The following STARD9 variants were observed in gnomAD, a reference collection of about 807,000 sequenced individuals.
STARD9 encodes the protein stAR-related lipid transfer protein 9.
In STARD9, 346 loss-of-function variants were observed where a neutral mutation model predicts 399.8. The observed-to-expected ratio is 0.87, with a 90% confidence interval of 0.79 to 0.95. The LOEUF (loss-of-function observed/expected upper bound fraction) is 0.95. STARD9 is among the 40% of genes least tolerant of loss of function. The probability of loss-of-function intolerance (pLI) is 0.00; values close to 1 mark genes in which losing one functional copy is unlikely to be tolerated. For synonymous variants in STARD9, 2,203 were observed against 2,143.5 expected (o/e 1.03, Z -0.77); for missense variants, 5,832 against 5,667.5 (o/e 1.03, Z -0.93).
In STARD9 at chr15:42,694,015, G is replaced by A; in HGVS notation, c.12437G>A (p.Cys4146Tyr). The A allele has an allele frequency of 3.3e-6, 5 of 1,527,048 alleles. No individual in the cohort carries two copies. Among genetic ancestry groups the A allele is most frequent in the African/African-American group, 1.4e-5 (1 of 72,916 alleles). 94.6% of individuals were successfully genotyped at this position (1,527,048 alleles called of 1,614,324 possible). ...LPVHNKFSNW[C>Y]GVQKGSPGGL... ...GTGCATAACAAATTTAGTAACTGGT[G>A]TGGGGTTCAGAAGGGCTCACCTGGG... The change falls in exon 23 of 33, where the codon TGT becomes TAT. Residue 4146 changes from cysteine to tyrosine, a missense_variant. By Grantham distance (194) the Cys-to-Tyr change is radical. Around this residue, in one of 2 missense-constraint regions of STARD9, gnomAD observed 5,828 missense variants for 5,651.1 expected, o/e 1.03. Coordinates refer to ENST00000290607, the MANE Select transcript of STARD9 (RefSeq NM_020759.3).
At chr15:42,626,393 T>TTCCTCC (rs1192409563) in intron 3 of STARD9, among the ~76,000 whole-genome samples, 2 of 126,808 alleles carry the variant, frequency 1.6e-5, no homozygotes, top group Admixed American at 7.3e-5. Flanking sequence ...CCTCTTCCTC[T>TTCCTCC]TCCTCCTCCT....
At chr15:42,706,404 T>G (rs888746933) in intron 26 of STARD9, among the ~76,000 whole-genome samples, 1 of 152,206 alleles carries the variant, frequency 6.6e-6, no homozygotes. Context: ...GTTGATTCTC[T>G]AGACCTGCAC....
At chr15:42,591,040 TC>T (rs1446586011) in intron 3 of STARD9, among the ~76,000 whole-genome samples, 2 of 152,198 alleles carry the variant, frequency 1.3e-5, no homozygotes, top group Non-Finnish European at 2.9e-5. Context: ...TTGTTAGTCA[TC>T]TAGGCCAGAG....
intron 3 of STARD9, among the ~76,000 whole-genome samples, chr15:42,621,334 C>T (rs1263104919): frequency 6.6e-6 from 1 of 152,042 alleles, no homozygotes; most frequent in African/African-American, 2.4e-5. Flanking sequence ...TATATTATAT[C>T]TTTGATTCAT....
At chr15:42,624,265 A>G (rs1389275108) in intron 3 of STARD9, among the ~76,000 whole-genome samples, 2 of 152,188 alleles carry the variant, frequency 1.3e-5, no homozygotes, top group South Asian at 4.1e-4. Context: ...TAAATAGAAA[A>G]TTTTAATTAC....
intron 9 of STARD9, among the ~76,000 whole-genome samples, chr15:42,658,615 T>C (rs1313903003): frequency 6.6e-6 from 1 of 151,890 alleles, no homozygotes; most frequent in Non-Finnish European, 1.5e-5. Context: ...CCTAAGTAGC[T>C]GGGATTACAG....
chr15:42,619,062 T>A (rs1365433840), intron 3 of STARD9, among the ~76,000 whole-genome samples: 2 of 152,178 alleles, frequency 1.3e-5, no homozygotes, highest in Non-Finnish European at 2.9e-5. Context: ...TTATTTCAGT[T>A]TTTCACTCTT....
chr15:42,698,064 A>T (rs945566063), intron 26 of STARD9, among the ~76,000 whole-genome samples: 3 of 152,176 alleles, frequency 2.0e-5, no homozygotes, highest in African/African-American at 7.2e-5. Flanking sequence ...TTGTAACTCT[A>T]TTTGAATATG....
chr15:42,706,167 T>C (rs28562951), intron 26 of STARD9, among the ~76,000 whole-genome samples: 39,043 of 152,208 alleles, frequency 0.26, 5,706 homozygotes, highest in African/African-American at 0.38. Context: ...CCACGTCTTA[T>C]GCTATAGAAC....
chr15:42,700,047 T>A (rs1480120951), intron 26 of STARD9, among the ~76,000 whole-genome samples: 1 of 152,246 alleles, frequency 6.6e-6, no homozygotes, highest in Non-Finnish European at 1.5e-5. Flanking sequence ...GTTGGCTGTC[T>A]ATGCCTGGTG....
chr15:42,631,094 C>T (rs1301457309), intron 3 of STARD9, among the ~76,000 whole-genome samples: 1 of 151,860 alleles, frequency 6.6e-6, no homozygotes, highest in Admixed American at 6.6e-5. Flanking sequence ...ATCTTCTTGC[C>T]TTGGCCTCCC....
chr15:42,626,327 C>CTCTTCCTCT (rs1162453025), intron 3 of STARD9, among the ~76,000 whole-genome samples: 2 of 143,424 alleles, frequency 1.4e-5, no homozygotes, highest in Non-Finnish European at 1.5e-5. Flanking sequence ...CTTCTTCCTC[C>CTCTTCCTCT]TCTTCCTCTT....
At chr15:42,714,365 C>T (rs1182654616) in intron 26 of STARD9, among the ~76,000 whole-genome samples, 3 of 152,126 alleles carry the variant, frequency 2.0e-5, no homozygotes, top group African/African-American at 4.8e-5. Context: ...CCCGCCCGGC[C>T]TGTACTAAGA....
intron 22 of STARD9, among the ~76,000 whole-genome samples, chr15:42,683,634 G>A (rs959753049): frequency 3.3e-5 from 5 of 152,042 alleles, no homozygotes; most frequent in South Asian, 2.1e-4. Context: ...CATTGAAACC[G>A]TTGGTTTTTC....
intron 22 of STARD9, among the ~76,000 whole-genome samples, chr15:42,683,796 T>A (rs141660186): frequency 2.6e-5 from 4 of 152,218 alleles, no homozygotes; most frequent in Non-Finnish European, 5.9e-5. Flanking sequence ...CTCTATAGAT[T>A]TATCTTTTGG....
At chr15:42,623,243 A>G (rs2059127764) in intron 3 of STARD9, among the ~76,000 whole-genome samples, 1 of 151,342 alleles carries the variant, frequency 6.6e-6, no homozygotes, top group Non-Finnish European at 1.5e-5. Flanking sequence ...CAAGAGCGAA[A>G]CTCTGTCTCA....
rs191628983 is a variant in STARD9, at chr15:42,686,888, G to A, written c.5310G>A (p.Arg1770=). The A allele has an allele frequency of 7.9e-5, 121 of 1,536,862 alleles. No homozygotes were observed. The highest frequency in any genetic ancestry group is 3.5e-4 in the Admixed American group (18 of 50,984). The change falls in exon 23 of 33, where the codon AGG becomes AGA. Residue 1770 remains arginine, a synonymous_variant. Transcript: ENST00000290607. ...AGATTCCAGCTTGCAGAGAAGTAAG[G>A]GTACCCTCCCCACCCCCCAGGGAAG... ...ALEIPACREV[R]VPSPPPREAW... is the part of the protein sequence containing the mutation.
At chr15:42,648,206 A>G (rs1595702980) in intron 7 of STARD9, among the ~76,000 whole-genome samples, 1 of 152,174 alleles carries the variant, frequency 6.6e-6, no homozygotes, top group Non-Finnish European at 1.5e-5. Context: ...TCTGTCACCC[A>G]GGTTAGAGTG....
At chr15:42,681,284 C>T (rs1444447583) in intron 20 of STARD9, 138 bp from the exon 21 acceptor site, 4 of 806,334 alleles carry the variant, frequency 5.0e-6, no homozygotes, top group Admixed American at 6.3e-5. Flanking sequence ...GCCTGTTTGT[C>T]CAAGGTTGCC....
Sources: allele counts gnomAD v4.1 joint callset (sites outside exome capture counted in the v4.1 genomes callset), GRCh38; gene constraint gnomAD v4.1.1; regional missense constraint gnomAD v4.1.1; transcripts MANE v1.5; gene names NCBI Gene and HGNC (gene_info 2026-07-23, HGNC 2026-07-21).